ACTN1: variants seen among roughly 807,000 people sequenced by gnomAD.
The protein encoded by ACTN1 is alpha-actinin-1.
Under a neutral mutation model 119.6 loss-of-function variants are expected in ACTN1, and 30 were observed. The ratio of observed to expected loss-of-function variants is 0.25; its 90% confidence interval spans 0.19 to 0.34. The LOEUF is 0.34. ACTN1 is among the 10% of genes least tolerant of loss of function. The pLI, the probability that ACTN1 is intolerant of heterozygous loss-of-function variation, is 1.00. For synonymous variants in ACTN1, 429 were observed against 472.6 expected (o/e 0.91, Z 1.20); for missense variants, 764 against 1,223.4 (o/e 0.62, Z 5.60).
intron 3 of ACTN1, among the ~76,000 whole-genome samples, chr14:68,919,666 GC>G (rs1204416172): frequency 2.6e-5 from 4 of 152,156 alleles, no homozygotes; most frequent in South Asian, 4.1e-4. Flanking sequence ...AATCCATAAG[GC>G]ACCTTGCGTG....
chr14:68,881,019 G>C, intron 16 of ACTN1, 30 bp from the exon 17 acceptor site: 2 of 1,611,206 alleles, frequency 1.2e-6, no homozygotes, highest in Non-Finnish European at 1.7e-6. Flanking sequence ...CACCTTGTCA[G>C]ACCACCTCAC....
intron 8 of ACTN1, among the ~76,000 whole-genome samples, chr14:68,894,278 G>A (rs770578536): frequency 3.3e-5 from 5 of 152,218 alleles, no homozygotes; most frequent in Admixed American, 1.3e-4. Context: ...CCCAAAGCCT[G>A]AAGCACTTTA....
At chr14:68,950,464 A>ATATATGTG in intron 1 of ACTN1, among the ~76,000 whole-genome samples, 6 of 79,822 alleles carry the variant, frequency 7.5e-5, no homozygotes, top group African/African-American at 6.3e-4. Context: ...GCGTGTGTGT[A>ATATATGTG]TATATATATA....
chr14:68,946,265 C>A (rs2035940981), intron 1 of ACTN1, among the ~76,000 whole-genome samples: 2 of 152,096 alleles, frequency 1.3e-5, no homozygotes, highest in Admixed American at 6.6e-5. Flanking sequence ...TTAAGGGCCT[C>A]TTAAGGGTAA....
rs556379791 is a variant in ACTN1, at chr14:68,889,604, G to A, written c.1234+535C>T. 6.6e-5 allele frequency among the ~76,000 whole-genome samples: 10 copies of A among 152,290 alleles called. No individual in the cohort carries two copies. The South Asian group carries it at 1.0e-3, about 16-fold the overall frequency. ...GAGATCAGGAGTTCAAAACCAGCCCGACCAACATGGTGAAACTAAAAATAC... is the reference window on the plus strand; with the variant it reads ...GAGATCAGGAGTTCAAAACCAGCCCAACCAACATGGTGAAACTAAAAATAC... On this transcript the variant is annotated intron_variant, in intron 11 of 21. Coordinates refer to ENST00000394419, the MANE Select transcript of ACTN1 (RefSeq NM_001130004.2).
At position 68,880,642 on chromosome 14, in the gene ACTN1, C is replaced by G. The variant is rs1319437725; in HGVS notation, c.2133+168G>C. On this transcript the variant is annotated intron_variant, in intron 17 of 21. Transcript: ENST00000394419. This position sits in a 1 kb window ranked among gnomAD's most constrained non-coding sequence, Gnocchi z 4.6. ...GGCCTAGAAATGTGCATTCTCAACA[C>G]ATTCCTTGGGAAAGCAGAAGGTACT... Among the ~76,000 whole-genome samples, 1 of 152,208 alleles carries G rather than the reference C, an allele frequency of 6.6e-6. No individual in the cohort carries two copies. Among genetic ancestry groups the G allele is most frequent in the Non-Finnish European group, 1.5e-5 (1 of 68,034 alleles).
chr14:68,902,679 C>T (rs752801311), intron 7 of ACTN1, 117 bp from the exon 8 acceptor site: 9 of 786,750 alleles, frequency 1.1e-5, no homozygotes, highest in African/African-American at 8.8e-5. Context: ...ATGTGGAGCC[C>T]GAATCTAACC....
At chr14:68,904,567 G>T (rs2033549087) in intron 7 of ACTN1, 88 bp downstream of exon 7, 3 of 1,237,124 alleles carry the variant, frequency 2.4e-6, no homozygotes, top group Non-Finnish European at 3.5e-6. Context: ...CTCCCGTCCA[G>T]CCCCGGACTG....
At chr14:68,935,745 G>T (rs1199678287) in intron 1 of ACTN1, among the ~76,000 whole-genome samples, 2 of 152,124 alleles carry the variant, frequency 1.3e-5, no homozygotes, top group Non-Finnish European at 2.9e-5. Flanking sequence ...CACTCTGGCT[G>T]ACCTCCCCAG....
intron 1 of ACTN1, chr14:68,936,697 C>A: frequency 1.6e-6 from 1 of 633,436 alleles, no homozygotes; most frequent in South Asian, 1.4e-5. Flanking sequence ...GGCAAGAAGC[C>A]GGAGGAAAGG....
chr14:68,893,542 G>C (rs17106508), intron 9 of ACTN1, 113 bp downstream of exon 9: 21,730 of 1,043,088 alleles, frequency 0.021, 353 homozygotes, highest in Middle Eastern at 0.079. Flanking sequence ...AGCAGTATTG[G>C]GATCAGAGAC....
intron 12 of ACTN1, 23 bp from the exon 13 acceptor site, chr14:68,884,906 A>G: frequency 6.3e-7 from 1 of 1,580,352 alleles, no homozygotes; most frequent in Non-Finnish European, 8.7e-7. Context: ...GAGACAAGGA[A>G]GTCAGGGGAC....
Position 68,879,107 on chromosome 14 carries a change from G to T in ACTN1, c.2281-38C>A. 6.4e-7 allele frequency: 1 copy of T among 1,570,476 alleles called. No homozygotes were observed. On this transcript the variant is annotated intron_variant, in intron 18 of 21. Transcript: ENST00000394419. The surrounding 1 kb of genome is among the most constrained non-coding windows in gnomAD (Gnocchi z 4.9). ...TGCGCCAGGCAGCGAGCCATGCGGT[G>T]TCAGGGAGGTGGAGCCGTGAGGGGG... is the stretch of plus-strand genomic sequence containing the variant.
At position 68,950,455 on chromosome 14, in the gene ACTN1, C is replaced by CATGTGTGTGTGTGTGTGTGTGTGTGT. The variant is rs141940950; in HGVS notation, c.106-24784_106-24783insACACACACACACACACACACACACAT. Among the ~76,000 whole-genome samples, 257 of 137,688 alleles carry CATGTGTGTGTGTGTGTGTGTGTGTGT rather than the reference C, an allele frequency of 1.9e-3. 21 individuals are homozygous for CATGTGTGTGTGTGTGTGTGTGTGTGT. The highest frequency in any genetic ancestry group is 7.6e-3 in the African/African-American group (240 of 31,410). 90.3% of individuals were successfully genotyped at this position (137,688 alleles called of 152,430 possible). On this transcript the variant is annotated intron_variant, in intron 1 of 21. Coordinates refer to ENST00000394419, the MANE Select transcript of ACTN1 (RefSeq NM_001130004.2). ...TGTATCTTTTACCATAATATATATG[C>CATGTGTGTGTGTGTGTGTGTGTGTGT]GTGTGTGTATATATATATATATAAA...
rs563048821 is a variant in ACTN1, at chr14:68,971,814, G to C, written c.105+7138C>G. ...TAGCCTGCTGTAGCCAAGGACCAAG[G>C]AGGCAGTTTCCAGGGGAACAGCCTC... On this transcript the variant is annotated intron_variant, in intron 1 of 21. Coordinates refer to ENST00000394419, the MANE Select transcript of ACTN1 (RefSeq NM_001130004.2). Among the ~76,000 whole-genome samples, 19 of 152,304 alleles carry C rather than the reference G, an allele frequency of 1.2e-4. No individual in the cohort carries two copies. The East Asian group carries it at 1.5e-3, about 12-fold the overall frequency.
intron 1 of ACTN1, among the ~76,000 whole-genome samples, chr14:68,952,155 G>A (rs1329618479): frequency 6.6e-6 from 1 of 152,232 alleles, no homozygotes; most frequent in Non-Finnish European, 1.5e-5. Flanking sequence ...AGAGGGGGCT[G>A]GCTCTGGTTT....
chr14:68,966,999 T>C (rs987547150), intron 1 of ACTN1, among the ~76,000 whole-genome samples: 4 of 152,192 alleles, frequency 2.6e-5, no homozygotes, highest in Non-Finnish European at 5.9e-5. Context: ...GGCTGGCTGG[T>C]AGGGAGCTGG....
At chr14:68,954,314 G>A (rs939347407) in intron 1 of ACTN1, among the ~76,000 whole-genome samples, 12 of 150,808 alleles carry the variant, frequency 8.0e-5, no homozygotes, top group African/African-American at 2.9e-4. Context: ...TACACACAGA[G>A]AATTTATTTA....
At chr14:68,894,184 A>C (rs1353338832) in intron 8 of ACTN1, among the ~76,000 whole-genome samples, 2 of 152,218 alleles carry the variant, frequency 1.3e-5, no homozygotes, top group African/African-American at 2.4e-5. Flanking sequence ...GTGGGAATTC[A>C]AATCCGGGAG....
Sources: gnomAD v4.1 joint callset for allele counts (sites outside exome capture counted in the v4.1 genomes callset) on GRCh38, gnomAD v4.1.1 for gene constraint, Gnocchi (gnomAD v3.1) non-coding constraint, MANE v1.5 for transcripts, NCBI Gene and HGNC (gene_info 2026-07-23, HGNC 2026-07-21) for gene names.